Variants in FGF14 observed in about 807,000 individuals in gnomAD.
FGF14 encodes the protein fibroblast growth factor homologous factor 4.
A neutral mutation model predicts 25.5 loss-of-function variants in FGF14; 5 were observed. That is an observed-to-expected ratio of 0.20 (90% confidence interval 0.10 to 0.41). The LOEUF (loss-of-function observed/expected upper bound fraction) is 0.41. Ranked by LOEUF, FGF14 falls within the 10% of genes least tolerant of loss-of-function variation. FGF14 has a pLI of 1.00. For missense variants in FGF14, 222 were observed against 320.1 expected (o/e 0.69, Z 2.34); for synonymous variants, 138 against 118.3 (o/e 1.17, Z -1.08).
intron 1 of FGF14, among the ~76,000 whole-genome samples, chr13:102,096,080 T>C (rs2140265660): frequency 6.6e-6 from 1 of 150,964 alleles, no homozygotes; most frequent in East Asian, 1.9e-4. Context: ...GTTATTAGAG[T>C]TGGGATACAT....
At chr13:102,360,052 A>G (rs2057523786) in intron 1 of FGF14, among the ~76,000 whole-genome samples, 1 of 152,216 alleles carries the variant, frequency 6.6e-6, no homozygotes, top group Non-Finnish European at 1.5e-5. Context: ...TATAAATATC[A>G]GAAGTAGCTA....
chr13:101,910,837 CGTGTGTGTGTGTGTGTGTGTGTGTGT>C (rs59758881), intron 1 of FGF14, among the ~76,000 whole-genome samples: 75 of 129,324 alleles, frequency 5.8e-4, no homozygotes, highest in African/African-American at 1.4e-3. Flanking sequence ...GATTTGGATT[CGTGTGTGTGTGTGTGTGTGTGTGTGT>C]GTGTGTGTGT....
At chr13:101,919,392 T>G (rs970169203), upstream of FGF14, among the ~76,000 whole-genome samples, 2 of 151,724 alleles carry the variant, frequency 1.3e-5, no homozygotes, top group African/African-American at 4.8e-5. Flanking sequence ...CACACCTAGT[T>G]TATTTTTAAA....
At chr13:101,923,597 G>GT in intron 1 of FGF14, among the ~76,000 whole-genome samples, 1 of 152,132 alleles carries the variant, frequency 6.6e-6, no homozygotes, top group East Asian at 1.9e-4. Context: ...TTCCGTGATA[G>GT]TATTATTGAC....
At chr13:102,068,669 C>T (rs1052343564) in intron 1 of FGF14, among the ~76,000 whole-genome samples, 11 of 152,222 alleles carry the variant, frequency 7.2e-5, no homozygotes, top group African/African-American at 2.7e-4. Context: ...AGCCCACCGG[C>T]GCTGTGCTCG....
At chr13:102,285,706 T>G (rs1339870165) in intron 1 of FGF14, among the ~76,000 whole-genome samples, 1 of 152,260 alleles carries the variant, frequency 6.6e-6, no homozygotes, top group Non-Finnish European at 1.5e-5. Flanking sequence ...TTGATAGCAT[T>G]TAATCAGTAC....
intron 1 of FGF14, among the ~76,000 whole-genome samples, chr13:102,199,153 T>C (rs536177611): frequency 9.9e-5 from 15 of 152,252 alleles, no homozygotes; most frequent in Non-Finnish European, 1.5e-4. Context: ...TATTGCTTCA[T>C]AGTGGAAACT....
At chr13:102,097,590 G>A (rs9585845) in intron 1 of FGF14, among the ~76,000 whole-genome samples, 5,824 of 152,152 alleles carry the variant, frequency 0.038, 319 homozygotes, top group East Asian at 0.2. Context: ...TTAGACTGAC[G>A]CAGTAACACT....
intron 3 of FGF14, among the ~76,000 whole-genome samples, chr13:101,829,167 C>G (rs926535690): frequency 6.6e-5 from 10 of 152,182 alleles, no homozygotes; most frequent in East Asian, 1.9e-4. Context: ...AAAGTCTTTA[C>G]AGAAAGCATA....
intron 1 of FGF14, among the ~76,000 whole-genome samples, chr13:102,117,454 A>T (rs1380438167): frequency 6.6e-6 from 1 of 152,220 alleles, no homozygotes. Flanking sequence ...AGGAAGCCTC[A>T]ACTCGGCTTC....
At chr13:102,203,359 A>C (rs1222295853) in intron 1 of FGF14, among the ~76,000 whole-genome samples, 1 of 152,230 alleles carries the variant, frequency 6.6e-6, no homozygotes, top group Non-Finnish European at 1.5e-5. Context: ...AATTTTTATA[A>C]GAAAGAATAA....
At chr13:101,865,504 C>T (rs952405925) in intron 3 of FGF14, among the ~76,000 whole-genome samples, 1 of 152,034 alleles carries the variant, frequency 6.6e-6, no homozygotes, top group Non-Finnish European at 1.5e-5. Flanking sequence ...TACCATATTG[C>T]AATCATTAGG....
intron 3 of FGF14, among the ~76,000 whole-genome samples, chr13:101,832,127 G>T (rs1275615521): frequency 6.6e-6 from 1 of 152,044 alleles, no homozygotes; most frequent in South Asian, 2.1e-4. Flanking sequence ...GGCAGAGGGA[G>T]ATCCGATATA....
At chr13:102,066,562 C>G (rs1414604610) in intron 1 of FGF14, among the ~76,000 whole-genome samples, 8 of 152,156 alleles carry the variant, frequency 5.3e-5, no homozygotes, top group Admixed American at 3.3e-4. Flanking sequence ...ACATATGTTA[C>G]TGGACCCAAA....
chr13:102,049,777 T>C (rs1248788739), intron 1 of FGF14, among the ~76,000 whole-genome samples: 1 of 151,872 alleles, frequency 6.6e-6, no homozygotes, highest in Non-Finnish European at 1.5e-5. Flanking sequence ...AAACACACAA[T>C]GTCATGTGAA....
At chr13:102,047,449 A>G (rs1253136253) in intron 1 of FGF14, among the ~76,000 whole-genome samples, 2 of 152,228 alleles carry the variant, frequency 1.3e-5, no homozygotes. Flanking sequence ...GAAATGTTTT[A>G]AAGGATTAAG....
chr13:101,793,382 A>T (rs535222741), intron 3 of FGF14, among the ~76,000 whole-genome samples: 9 of 152,260 alleles, frequency 5.9e-5, no homozygotes, highest in South Asian at 2.1e-4. Flanking sequence ...AATTCCATTC[A>T]TGTTATTGCA....
chr13:102,046,108 T>G (rs2041970061), intron 1 of FGF14: 1 of 154,334 alleles, frequency 6.5e-6, no homozygotes, highest in Non-Finnish European at 1.5e-5. Context: ...AGATGCCTTT[T>G]GTTCTTGCCT....
At chr13:101,784,005 G>A (rs1376513794) in intron 3 of FGF14, among the ~76,000 whole-genome samples, 1 of 152,136 alleles carries the variant, frequency 6.6e-6, no homozygotes, top group Non-Finnish European at 1.5e-5. Context: ...TTGTAAGTGT[G>A]CAGTCTTATT....
Sources: allele counts gnomAD v4.1 joint callset (sites outside exome capture counted in the v4.1 genomes callset), GRCh38; gene constraint gnomAD v4.1.1; transcripts MANE v1.5; gene names NCBI Gene and HGNC (gene_info 2026-07-23, HGNC 2026-07-21).